LSM12: variants seen among roughly 807,000 people sequenced by gnomAD.
LSM12 encodes protein LSM12.
For missense variants in LSM12, 108 were observed against 238.9 expected (o/e 0.45, Z 3.61); for synonymous variants, 74 against 87.3 (o/e 0.85, Z 0.85).
chr17:44,064,081 CA>C (rs1180963012), intron 1 of LSM12, 147 bp from the exon 2 acceptor site: 14 of 848,368 alleles, frequency 1.7e-5, no homozygotes, highest in Admixed American at 1.5e-4. Flanking sequence ...CGGTTCTCCT[CA>C]GGAAATCTCT....
chr17:44,062,423 G>A (rs2144114196), intron 2 of LSM12, among the ~76,000 whole-genome samples: 1 of 152,274 alleles, frequency 6.6e-6, no homozygotes, highest in Non-Finnish European at 1.5e-5. Flanking sequence ...GGTGATCAGA[G>A]AAGACTTCTT....
chr17:44,049,157 C>T (rs898382324), intron 2 of LSM12, among the ~76,000 whole-genome samples: 6 of 152,190 alleles, frequency 3.9e-5, no homozygotes, highest in Admixed American at 2.6e-4. Context: ...TGCCACTGCA[C>T]TCCAGCCTGT....
intron 2 of LSM12, among the ~76,000 whole-genome samples, chr17:44,042,121 T>C (rs2049503189): frequency 6.6e-6 from 1 of 152,118 alleles, no homozygotes; most frequent in Non-Finnish European, 1.5e-5. Flanking sequence ...ACCCCGTCTC[T>C]ACTAAAAATA....
At chr17:44,038,355 C>CAA (rs767523063) in intron 3 of LSM12, among the ~76,000 whole-genome samples, 13 of 61,822 alleles carry the variant, frequency 2.1e-4, no homozygotes, top group African/African-American at 5.0e-4. Context: ...GACCCTGTCT[C>CAA]AAAAAAAAAA....
chr17:44,066,409 C>A (rs2049878228), intron 1 of LSM12, 55 bp downstream of exon 1: 3 of 1,503,300 alleles, frequency 2.0e-6, no homozygotes, highest in Non-Finnish European at 2.7e-6. Flanking sequence ...CCCCACCCCC[C>A]GACCACCGCA....
At chr17:44,055,789 A>ATGTCCACAAAC (rs2049706018) in intron 2 of LSM12, among the ~76,000 whole-genome samples, 6 of 149,402 alleles carry the variant, frequency 4.0e-5, no homozygotes. Context: ...GAGCCCTGCT[A>ATGTCCACAAAC]ATAGGCTATG....
intron 2 of LSM12, among the ~76,000 whole-genome samples, chr17:44,055,234 T>G (rs1379224247): frequency 6.6e-6 from 1 of 152,052 alleles, no homozygotes; most frequent in East Asian, 1.9e-4. Flanking sequence ...TTGCTTGCCT[T>G]AGACAAGTGG....
chr17:44,062,412 G>C (rs114674630), intron 2 of LSM12, among the ~76,000 whole-genome samples: 1 of 152,110 alleles, frequency 6.6e-6, no homozygotes, highest in African/African-American at 2.4e-5. Context: ...ACTTCAGCCT[G>C]GGTGATCAGA....
chr17:44,035,676 G>A lies in LSM12; in HGVS notation c.*532C>T, dbSNP rs2049406055. ...AAAACTAATTCAAGCCATGCCCTGTGCAAAAAAAAAAAAAAAAAGAAAAAA... is the reference window on the plus strand; with the variant it reads ...AAAACTAATTCAAGCCATGCCCTGTACAAAAAAAAAAAAAAAAAGAAAAAA... On this transcript the variant is annotated 3_prime_UTR_variant, in exon 5 of 5. Coordinates refer to ENST00000293406, the MANE Select transcript of LSM12 (RefSeq NM_001371445.1). 2 of 5,114 alleles carry A rather than the reference G, an allele frequency of 3.9e-4. No homozygotes were observed. The highest frequency in any genetic ancestry group is 9.4e-3 in the South Asian group (1 of 106). The allele number at this position is 5,114 out of a possible 1,614,324, so 0.3% of individuals were successfully genotyped here.
chr17:44,058,504 C>A (rs753803462), intron 2 of LSM12, among the ~76,000 whole-genome samples: 37 of 151,954 alleles, frequency 2.4e-4, no homozygotes, highest in Non-Finnish European at 2.9e-5. Flanking sequence ...GAGTTACAGA[C>A]CATCCTGGGC....
chr17:44,062,221 C>CAAAA (rs529081923), intron 2 of LSM12, among the ~76,000 whole-genome samples: 10 of 63,814 alleles, frequency 1.6e-4, no homozygotes, highest in Non-Finnish European at 1.9e-4. Context: ...GACTCCGTCT[C>CAAAA]AAAAAAAAAA....
At chr17:44,064,212 G>A (rs991927249) in intron 1 of LSM12, among the ~76,000 whole-genome samples, 30 of 152,080 alleles carry the variant, frequency 2.0e-4, no homozygotes, top group African/African-American at 7.0e-4. Context: ...TTGAACCTAT[G>A]AGCCAGACAA....
intron 3 of LSM12, among the ~76,000 whole-genome samples, chr17:44,039,101 G>A (rs1464225066): frequency 6.6e-6 from 1 of 152,078 alleles, no homozygotes; most frequent in Admixed American, 6.6e-5. Flanking sequence ...TGTTGCCCAG[G>A]CTGGAATGCA....
At chr17:44,059,715 G>A (rs547138996) in intron 2 of LSM12, among the ~76,000 whole-genome samples, 2 of 152,272 alleles carry the variant, frequency 1.3e-5, no homozygotes, top group Non-Finnish European at 2.9e-5. Context: ...ACCTTCCCTA[G>A]TTGAGCTATT....
intron 2 of LSM12, among the ~76,000 whole-genome samples, chr17:44,044,730 GAGA>G (rs1033820432): frequency 5.3e-5 from 8 of 152,150 alleles, no homozygotes; most frequent in South Asian, 2.1e-4. Context: ...TGAGGGTGGG[GAGA>G]AGGAGATTAC....
At chr17:44,052,285 T>A (rs1002702655) in intron 2 of LSM12, among the ~76,000 whole-genome samples, 2 of 149,532 alleles carry the variant, frequency 1.3e-5, no homozygotes, top group South Asian at 2.1e-4. Flanking sequence ...GAGCCCAGCC[T>A]GGGCAACACA....
intron 2 of LSM12, among the ~76,000 whole-genome samples, chr17:44,045,460 T>C (rs923678103): frequency 4.6e-5 from 7 of 152,354 alleles, no homozygotes; most frequent in Admixed American, 2.0e-4. Flanking sequence ...CATGTACCAA[T>C]AGTTTTTTAA....
At chr17:44,056,195 T>C (rs754801177) in intron 2 of LSM12, among the ~76,000 whole-genome samples, 3 of 149,920 alleles carry the variant, frequency 2.0e-5, no homozygotes, top group Non-Finnish European at 4.4e-5. Flanking sequence ...ATTGGGAGGC[T>C]GAGGTAGGAG....
At chr17:44,051,899 C>T (rs946889691) in intron 2 of LSM12, among the ~76,000 whole-genome samples, 33 of 151,776 alleles carry the variant, frequency 2.2e-4, no homozygotes. Context: ...CTTGAGGTCA[C>T]GAGTTCAAGA....
Sources: allele counts gnomAD v4.1 joint callset (sites outside exome capture counted in the v4.1 genomes callset), GRCh38; gene constraint gnomAD v4.1.1; transcripts MANE v1.5; gene names NCBI Gene and HGNC (gene_info 2026-07-23, HGNC 2026-07-21).